ZBTB10: variants seen among roughly 807,000 people sequenced by gnomAD.
The protein encoded by ZBTB10 is zinc finger and BTB domain containing 10.
A neutral mutation model predicts 76.4 loss-of-function variants in ZBTB10; 32 were observed. The ratio of observed to expected loss-of-function variants is 0.42; its 90% CI spans 0.32 to 0.56. ZBTB10 has a LOEUF of 0.56. Ranked by LOEUF, ZBTB10 falls within the 20% of genes least tolerant of loss-of-function variation. The pLI is 0.14. For synonymous variants in ZBTB10, 523 were observed against 432.9 expected, an observed-to-expected ratio of 1.21 and a Z score of -2.58; for missense variants, 1,057 against 1,098.5, an observed-to-expected ratio of 0.96 and a Z score of 0.53.
rs375071529 is a variant in ZBTB10 at position 80,493,207 on chromosome 8, G to GCGCGCGCGCACACACA, written c.972+5426_972+5427insGCGCGCGCACACACAC. 6.4e-4 allele frequency among the ~76,000 whole-genome samples: 80 copies of GCGCGCGCGCACACACA among 125,282 alleles called. No homozygotes were observed. In the Middle Eastern group the frequency reaches 0.013, roughly 20 times the overall value. 82.2% of individuals were successfully genotyped at this position (125,282 alleles called of 152,430 possible). A position where few individuals can be genotyped will look rare whatever the true frequency, so the allele number is the denominator to read the frequency against. On this transcript the variant is annotated intron_variant, in intron 1 of 5. Coordinates refer to ENST00000455036, the MANE Select transcript of ZBTB10 (RefSeq NM_001105539.3). Reference sequence around the variant, plus strand: ...TGTGCCTCAAAACGCGCGCGCGCGCGCACACACACACACACACACACACAC... The same window carrying GCGCGCGCGCACACACA: ...TGTGCCTCAAAACGCGCGCGCGCGCGCGCGCGCGCACACACACACACACACACACACACACACACAC...
intron 1 of ZBTB10, among the ~76,000 whole-genome samples, chr8:80,489,232 A>G (rs1019661605): frequency 2.0e-5 from 3 of 152,314 alleles, no homozygotes; most frequent in Non-Finnish European, 2.9e-5. Flanking sequence ...AGCTTGGGCA[A>G]TAGAGTGAAA....
intron 1 of ZBTB10, among the ~76,000 whole-genome samples, chr8:80,493,802 C>A (rs1427664035): frequency 6.6e-6 from 1 of 152,180 alleles, no homozygotes; most frequent in Non-Finnish European, 1.5e-5. Context: ...TGTGCTTGGA[C>A]AACAAGAGCG....
Position 80,499,992 on chromosome 8 carries a change from T to G in ZBTB10, c.1471T>G (p.Ser491Ala), listed in dbSNP as rs1183294015. The G allele has an allele frequency of 6.2e-7, 1 of 1,613,866 alleles. No individual in the cohort carries two copies. Among genetic ancestry groups the G allele is most frequent in the African/African-American group, 1.3e-5 (1 of 74,922 alleles). ...NRKPVNRDGL[S>A]SSRDQKIASF... ...AAAACCAGTTAATAGAGATGGTCTG[T>G]CTTCATCACGGGATCAAAAAATTGC... The change falls in exon 2 of 6, where the codon TCT (serine) becomes GCT (alanine). Residue 491 changes from serine (S) to alanine (A), a missense_variant. By Grantham distance (99) the Ser-to-Ala change is moderately conservative (BLOSUM62 1). Transcript: ENST00000455036.
Position 80,499,619 on chromosome 8 carries a change from C to T in ZBTB10, c.1098C>T (p.Val366=), listed in dbSNP as rs112588802. 1.9e-6 allele frequency: 3 copies of T among 1,613,800 alleles called. No individual in the cohort carries two copies. The highest frequency in any genetic ancestry group is 2.5e-6 in the Non-Finnish European group (3 of 1,179,866). Residue 366 remains valine (V), a synonymous_variant, in exon 2 of 6, where the codon GTC becomes GTT. Coordinates refer to ENST00000455036, the MANE Select transcript of ZBTB10 (RefSeq NM_001105539.3). The part of the protein sequence containing the change: ...EQRKKGILCD[V]SIVVSGKIFK... ...GAAAGAAAGGTATTCTTTGTGATGTCAGCATTGTGGTAAGCGGAAAAATCT... is the reference window on the plus strand; with the variant it reads ...GAAAGAAAGGTATTCTTTGTGATGTTAGCATTGTGGTAAGCGGAAAAATCT...
At chr8:80,507,395 A>C (rs1268542100) in intron 2 of ZBTB10, among the ~76,000 whole-genome samples, 1 of 151,516 alleles carries the variant, frequency 6.6e-6, no homozygotes, top group African/African-American at 2.4e-5. Flanking sequence ...GGTGGTTCAC[A>C]AGGTCAGGAG....
Position 80,487,024 on chromosome 8 carries a change from C to T in ZBTB10, c.214C>T (p.Leu72=), listed in dbSNP as rs1268805561. ...GADEEVELEG[L]EPQDLEASAG... The stretch of plus-strand genomic sequence containing the variant: ...CGACGAGGAAGTGGAATTGGAGGGC[C>T]TGGAGCCCCAAGACCTGGAGGCCTC... The change falls in exon 1 of 6, where the codon CTG becomes TTG. Residue 72 remains leucine (L), a synonymous_variant. Transcript: ENST00000455036. 5.3e-6 allele frequency: 8 copies of T among 1,518,170 alleles called. No homozygotes were observed. The highest frequency in any genetic ancestry group is 2.6e-5 in the East Asian group (1 of 37,812). The allele number at this position is 1,518,170 out of a possible 1,614,324, so 94.0% of individuals were successfully genotyped here.
At chr8:80,487,988 T>G (rs1305810857) in intron 1 of ZBTB10, among the ~76,000 whole-genome samples, 1 of 151,954 alleles carries the variant, frequency 6.6e-6, no homozygotes, top group Non-Finnish European at 1.5e-5. Context: ...GTATGTGTTG[T>G]GGGGGGAAGG....
At chr8:80,485,936 G>C (rs1335475294), upstream of ZBTB10, 1 of 1,508,650 alleles carries the variant, frequency 6.6e-7, no homozygotes. Flanking sequence ...CCAGCTGTTT[G>C]TCCTCCGCGT....
chr8:80,504,372 T>C (rs1815998980), intron 2 of ZBTB10, among the ~76,000 whole-genome samples: 1 of 152,216 alleles, frequency 6.6e-6, no homozygotes, highest in Admixed American at 6.5e-5. Context: ...CCTCAGGTCT[T>C]CAGCACAGAG....
intron 3 of ZBTB10, among the ~76,000 whole-genome samples, chr8:80,517,871 C>CTTTTTTTTTTTTTTTTTTTT (rs773074047): frequency 3.9e-5 from 3 of 76,854 alleles, no homozygotes; most frequent in African/African-American, 6.0e-5. Flanking sequence ...CGCCCGCCAC[C>CTTTTTTTTTTTTTTTTTTTT]TTTTTTTTTT....
chr8:80,499,755 G>A lies in ZBTB10; in HGVS notation c.1234G>A (p.Ala412Thr), dbSNP rs1429360458. 1.2e-6 allele frequency: 2 copies of A among 1,613,786 alleles called. No homozygotes were observed. The highest frequency in any genetic ancestry group is 1.7e-6 in the Non-Finnish European group (2 of 1,179,880). The change falls in exon 2 of 6, where the codon GCT becomes ACT. Residue 412 changes from alanine (A) to threonine (T), a missense_variant. By Grantham distance (58) the Ala-to-Thr change is moderately conservative. This residue lies in a region of ZBTB10 where 86 missense variants were observed against 145.7 expected (regional missense o/e 0.59). Transcript: ENST00000455036. Reference sequence around the variant, plus strand: ...AAACAATACTACCCACTTAGATATTGCTGCAGTTCAAGGTTTTTCAGTCAT... The same window carrying A: ...AAACAATACTACCCACTTAGATATTACTGCAGTTCAAGGTTTTTCAGTCAT... ...NQNNTTHLDI[A>T]AVQGFSVILD...
chr8:80,499,987 G>A lies in ZBTB10; in HGVS notation c.1466G>A (p.Gly489Asp). The part of the protein sequence containing the change: ...YNNRKPVNRD[G>D]LSSSRDQKIA... ...AATAGAAAACCAGTTAATAGAGATGGTCTGTCTTCATCACGGGATCAAAAA... is the reference window on the plus strand; with the variant it reads ...AATAGAAAACCAGTTAATAGAGATGATCTGTCTTCATCACGGGATCAAAAA... The change falls in exon 2 of 6, where the codon GGT becomes GAT. Residue 489 changes from glycine (G) to aspartate (D), a missense_variant. Gly to Asp is a moderately conservative substitution (Grantham distance 94). Transcript: ENST00000455036. The A allele has an allele frequency of 2.5e-6, 4 of 1,613,906 alleles. No individual in the cohort carries two copies. The highest frequency in any genetic ancestry group is 3.4e-6 in the Non-Finnish European group (4 of 1,179,884).
chr8:80,505,294 G>A (rs1230956660), intron 2 of ZBTB10, among the ~76,000 whole-genome samples: 1 of 152,106 alleles, frequency 6.6e-6, no homozygotes, highest in South Asian at 2.1e-4. Flanking sequence ...CTTCTGAAAG[G>A]AATTTCTCCA....
chr8:80,502,476 C>T (rs1056134481), intron 2 of ZBTB10, among the ~76,000 whole-genome samples: 8 of 152,146 alleles, frequency 5.3e-5, no homozygotes, highest in Admixed American at 5.2e-4. Flanking sequence ...ACCTCAAGTC[C>T]ACCCACCTTG....
In ZBTB10 at chr8:80,521,872, ATTAC is replaced by A. The variant is rs1816456060; in HGVS notation, c.*2347_*2350del. 1 of 151,786 alleles carries A rather than the reference ATTAC, an allele frequency of 6.6e-6. No individual in the cohort carries two copies. Among genetic ancestry groups the A allele is most frequent in the Non-Finnish European group, 1.5e-5 (1 of 67,766 alleles). The allele number at this position is 151,786 out of a possible 1,614,324, so 9.4% of individuals were successfully genotyped here. ...AATTTAAAATATTCTATAATTGTCC[ATTAC>A]TTTATGTTGTGTTGTGACAGATTTG... On this transcript the variant is annotated 3_prime_UTR_variant, in exon 6 of 6. Transcript: ENST00000455036.
In ZBTB10 at chr8:80,512,273, C is replaced by G. The variant is rs568281865; in HGVS notation, c.1862-1637C>G. 9.8e-5 allele frequency among the ~76,000 whole-genome samples: 15 copies of G among 152,336 alleles called. No homozygotes were observed. In the East Asian group the frequency reaches 2.5e-3, roughly 25 times the overall value. ...AGCTCTCTCTATGTACACTGCTTGT[C>G]TCTGCTGTCTCTCTTAAGTACCCAG... On this transcript the variant is annotated intron_variant, in intron 2 of 5. Coordinates refer to ENST00000455036, the MANE Select transcript of ZBTB10 (RefSeq NM_001105539.3).
chr8:80,491,293 G>C (rs1815624158), intron 1 of ZBTB10, among the ~76,000 whole-genome samples: 2 of 152,180 alleles, frequency 1.3e-5, no homozygotes, highest in Admixed American at 6.5e-5. Flanking sequence ...ATAGTGTACA[G>C]ATTTGTAGTC....
intron 3 of ZBTB10, among the ~76,000 whole-genome samples, chr8:80,516,458 C>T (rs904184867): frequency 6.6e-6 from 1 of 152,206 alleles, no homozygotes; most frequent in African/African-American, 2.4e-5. Context: ...AAATATGGAT[C>T]ATAAAGCTCA....
At position 80,500,262 on chromosome 8, in the gene ZBTB10, A is replaced by G; in HGVS notation, c.1741A>G (p.Thr581Ala). ...TGKTRRKNQT[T>A]KRFIYNIPPN... is the part of the protein sequence containing the mutation. ...CAAAACAAGGAGGAAAAACCAAACT[A>G]CAAAAAGATTTATTTATAATATTCC... The change falls in exon 2 of 6, where the codon ACA becomes GCA. Residue 581 changes from threonine to alanine, a missense_variant. By Grantham distance (58) the Thr-to-Ala change is moderately conservative. Around this residue, in one of 5 missense-constraint regions of ZBTB10, gnomAD observed 306 missense variants for 297.5 expected, o/e 1.03. Coordinates refer to ENST00000455036, the MANE Select transcript of ZBTB10 (RefSeq NM_001105539.3). 6.3e-7 allele frequency: 1 copy of G among 1,579,994 alleles called. No individual in the cohort carries two copies. The highest frequency in any genetic ancestry group is 8.6e-7 in the Non-Finnish European group (1 of 1,162,312).
Sources: allele counts gnomAD v4.1 joint callset (sites outside exome capture counted in the v4.1 genomes callset), GRCh38; gene constraint gnomAD v4.1.1; regional missense constraint gnomAD v4.1.1; transcripts MANE v1.5; gene names NCBI Gene and HGNC (gene_info 2026-07-23, HGNC 2026-07-21).